The following C8B variants were observed in gnomAD, a reference collection of about 807,000 sequenced individuals.
C8B encodes the protein complement component C8 beta chain.
C8B carries 67 observed loss-of-function variants against 64.6 expected under a neutral mutation model. That is an observed-to-expected ratio of 1.04 (90% CI 0.85 to 1.27). The LOEUF (loss-of-function observed/expected upper bound fraction) is 1.27. Among genes scored for constraint, C8B ranks in the 50% most tolerant of loss-of-function variants. The probability of loss-of-function intolerance (pLI) is 0.00; values close to 1 mark genes in which losing one functional copy is unlikely to be tolerated. For missense variants in C8B, 790 were observed against 725.2 expected (o/e 1.09, Z -1.03); for synonymous variants, 284 against 257.7 (o/e 1.10, Z -0.98).
intron 11 of C8B, among the ~76,000 whole-genome samples, chr1:56,930,584 A>G (rs1644686413): frequency 6.6e-6 from 1 of 152,136 alleles, no homozygotes. Context: ...TGGGAACATA[A>G]GAGTGCAGGC....
At chr1:56,963,045 G>A (rs535623319) in intron 1 of C8B, among the ~76,000 whole-genome samples, 27 of 152,010 alleles carry the variant, frequency 1.8e-4, no homozygotes, top group African/African-American at 2.9e-4. Flanking sequence ...AATGTTTTGC[G>A]ATTGCAAATA....
chr1:56,931,816 G>A lies in C8B; in HGVS notation c.1615C>T (p.Arg539Trp), dbSNP rs773136580. 2.0e-5 allele frequency: 32 copies of A among 1,607,802 alleles called. No homozygotes were observed. In the East Asian group the frequency reaches 2.5e-4, roughly 12 times the overall value. The change falls in exon 11 of 12, where the codon CGG (arginine) becomes TGG (tryptophan). Residue 539 changes from arginine to tryptophan, a missense_variant. Physicochemically the swap from Arg to Trp is moderately radical, Grantham distance 101 (BLOSUM62 -3). Transcript: ENST00000371237. ...SQGLACEVSY[R>W]KNTPIDGKWN... is the part of the protein sequence containing the mutation. ...CCTTTTCCAATTAACTTACTCTTCC[G>A]ATAGGAGACCTCACAGGCTAGGCCT...
In C8B at chr1:56,949,737, C is replaced by A; in HGVS notation, c.682G>T (p.Glu228Ter). 6.2e-7 allele frequency: 1 copy of A among 1,612,540 alleles called. No individual in the cohort carries two copies. Among genetic ancestry groups the A allele is most frequent in the Non-Finnish European group, 8.5e-7 (1 of 1,179,084 alleles). The change falls in exon 6 of 12, where the codon GAA becomes TAA. Residue 228 changes from glutamate (E) to a stop codon, truncating the protein, a stop_gained. Coordinates refer to ENST00000371237, the MANE Select transcript of C8B (RefSeq NM_000066.4). LOFTEE classifies it high-confidence loss of function. ...GATTCATACTCTTTTAATATGAATT[C>A]GTATTTGCCTTGGGTCTAAAGAAGA... ...SYTPQTQGKY[E>*]FILKEYESYS...
At position 56,934,235 on chromosome 1, in the gene C8B, G is replaced by C. The variant is rs373239395; in HGVS notation, c.1399-747C>G. Reference sequence around the variant, plus strand: ...GGGCAATGTCTCAGCTCTGTGTTTCGAGGGTCCAGCCCCCAGCTAAGTGAA... The same window carrying C: ...GGGCAATGTCTCAGCTCTGTGTTTCCAGGGTCCAGCCCCCAGCTAAGTGAA... On this transcript the variant is annotated intron_variant, in intron 9 of 11. Transcript: ENST00000371237. Among the ~76,000 whole-genome samples, 44 of 149,822 alleles carry C rather than the reference G, an allele frequency of 2.9e-4. 1 individual carries two copies. The highest frequency in any genetic ancestry group is 7.4e-5 in the Non-Finnish European group (5 of 67,898).
chr1:56,931,538 T>C, intron 11 of C8B: 1 of 403,878 alleles, frequency 2.5e-6, no homozygotes, highest in East Asian at 5.7e-5. Context: ...AGGGTAAGCA[T>C]TCCAGAATGA....
chr1:56,943,625 T>C lies in C8B; in HGVS notation c.1234+71A>G, dbSNP rs554150276. On this transcript the variant is annotated intron_variant, in intron 8 of 11. Transcript: ENST00000371237. ...TATTTGTCTCAAAAAGGGAGGGAGG[T>C]GTTGTAATCACCAGAGGCACTAGGA... The C allele has an allele frequency of 4.7e-5, 73 of 1,562,266 alleles. 2 individuals are homozygous for C. In the South Asian group the frequency reaches 7.7e-4, roughly 16 times the overall value.
intron 6 of C8B, among the ~76,000 whole-genome samples, chr1:56,947,413 T>A (rs190066620): frequency 4.1e-4 from 62 of 152,316 alleles, no homozygotes; most frequent in East Asian, 3.9e-4. Flanking sequence ...TTCTCTTTCA[T>A]ATTATTTTGC....
At chr1:56,947,526 TAAC>T in intron 6 of C8B, among the ~76,000 whole-genome samples, 1 of 152,328 alleles carries the variant, frequency 6.6e-6, no homozygotes. Flanking sequence ...TCCAATCTGA[TAAC>T]AACCTGAAGG....
At position 56,965,778 on chromosome 1, in the gene C8B, A is replaced by G. The variant is rs139897472; in HGVS notation, c.92+79T>C. 725 of 1,509,348 alleles carry G rather than the reference A, an allele frequency of 4.8e-4. 6 individuals are homozygous for G. The African/African-American group carries it at 8.2e-3, about 17-fold the overall frequency. The allele number at this position is 1,509,348 out of a possible 1,614,324, so 93.5% of individuals were successfully genotyped here. ...GTTCCTCATTCAATAGGCATGCAAC[A>G]AAGAGATGGTCAGCATCATGTGGCT... On this transcript the variant is annotated intron_variant, in intron 1 of 11. Coordinates refer to ENST00000371237, the MANE Select transcript of C8B (RefSeq NM_000066.4).
At chr1:56,959,528 C>A in intron 2 of C8B, 1 of 1,457,932 alleles carries the variant, frequency 6.9e-7, no homozygotes, top group South Asian at 1.2e-5. Context: ...TGTCATCCTA[C>A]CTGAGAAAGC....
intron 9 of C8B, among the ~76,000 whole-genome samples, chr1:56,938,232 C>T (rs1315971198): frequency 6.6e-6 from 1 of 152,124 alleles, no homozygotes; most frequent in Non-Finnish European, 1.5e-5. Flanking sequence ...TTTTAATCTC[C>T]CTGTCTCTTG....
chr1:56,932,588 C>T (rs561463625), intron 10 of C8B, among the ~76,000 whole-genome samples: 2 of 152,246 alleles, frequency 1.3e-5, no homozygotes, highest in East Asian at 3.9e-4. Flanking sequence ...CATAGGGGTC[C>T]TTGTGCTGAT....
At chr1:56,943,585 T>G (rs946392279) in intron 8 of C8B, 111 bp downstream of exon 8, 104 of 1,284,828 alleles carry the variant, frequency 8.1e-5, no homozygotes, top group Non-Finnish European at 1.0e-4. Context: ...ATAGTTGGCC[T>G]AGAAGTTGGG....
chr1:56,951,931 A>G (rs911698359), intron 5 of C8B, 117 bp downstream of exon 5: 16 of 761,774 alleles, frequency 2.1e-5, no homozygotes, highest in Non-Finnish European at 2.6e-5. Flanking sequence ...ATTTTCACAT[A>G]TGAAGAAACT....
Position 56,940,728 on chromosome 1 carries a change from T to C in C8B, c.1398+121A>G, listed in dbSNP as rs1570379766. 2.9e-6 allele frequency: 3 copies of C among 1,034,336 alleles called. No homozygotes were observed. In the East Asian group the frequency reaches 7.2e-5, roughly 25 times the overall value. The allele number at this position is 1,034,336 out of a possible 1,614,324, so 64.1% of individuals were successfully genotyped here. A position where few individuals can be genotyped will look rare whatever the true frequency, so the allele number is the denominator to read the frequency against. ...CAAATATATTTTCTACTATCGTATA[T>C]GTGTCCCAAAATTAGGGCCTGGGTC... On this transcript the variant is annotated intron_variant, in intron 9 of 11. Transcript: ENST00000371237.
chr1:56,946,793 C>T (rs1644948920), intron 6 of C8B, among the ~76,000 whole-genome samples: 1 of 152,176 alleles, frequency 6.6e-6, no homozygotes, highest in Admixed American at 6.5e-5. Flanking sequence ...GTGAGCATTC[C>T]CTATAGTGCT....
chr1:56,944,506 A>G (rs1644913498), intron 7 of C8B, among the ~76,000 whole-genome samples: 2 of 152,180 alleles, frequency 1.3e-5, no homozygotes, highest in African/African-American at 4.8e-5. Flanking sequence ...CCCAAAGTGC[A>G]TTTCTTGAAA....
Position 56,960,304 on chromosome 1 carries a change from A to G in C8B, c.93-128T>C, listed in dbSNP as rs1214448390. 4 of 805,296 alleles carry G rather than the reference A, an allele frequency of 5.0e-6. No homozygotes were observed. The African/African-American group carries it at 6.8e-5, about 14-fold the overall frequency. 49.9% of individuals were successfully genotyped at this position (805,296 alleles called of 1,614,324 possible). A position where few individuals can be genotyped will look rare whatever the true frequency, so the allele number is the denominator to read the frequency against. On this transcript the variant is annotated intron_variant, in intron 1 of 11. Transcript: ENST00000371237. ...TGCAAGGCTATTAGTTTATCATTCC[A>G]GGATAACCTATCCTGGAATTAATTA...
In C8B at chr1:56,960,110, C is replaced by T; in HGVS notation, c.159G>A (p.Met53Ile). ...VNKSFAKSRQMRSVDVTLMPI... is the reference protein window; with the variant it reads ...VNKSFAKSRQIRSVDVTLMPI... ...GCATCAGGGTAACATCCACACTCCG[C>T]ATCTGTCTGCTCTTAGCAAAGCTCT... Residue 53 changes from methionine to isoleucine, a missense_variant, in exon 2 of 12, where the codon ATG becomes ATA. By Grantham distance (10) the Met-to-Ile change is conservative. Transcript: ENST00000371237. The T allele has an allele frequency of 1.2e-6, 2 of 1,614,176 alleles. No individual in the cohort carries two copies. Among genetic ancestry groups the T allele is most frequent in the Non-Finnish European group, 1.7e-6 (2 of 1,180,022 alleles).
Sources: gnomAD v4.1 joint callset for allele counts (sites outside exome capture counted in the v4.1 genomes callset) on GRCh38, gnomAD v4.1.1 for gene constraint, MANE v1.5 for transcripts, NCBI Gene and HGNC (gene_info 2026-07-23, HGNC 2026-07-21) for gene names.